Variants in PEX14 observed in about 807,000 individuals in gnomAD.
The protein encoded by PEX14 is peroxisomal membrane protein PEX14.
In PEX14, 15 loss-of-function variants were observed where a neutral mutation model predicts 49.5. That is an observed-to-expected ratio of 0.30 (90% CI 0.20 to 0.47). PEX14 has a LOEUF of 0.47. PEX14 is among the 20% of genes least tolerant of loss of function. The pLI is 1.00. For synonymous variants in PEX14, 210 were observed against 212.7 expected (o/e 0.99, Z 0.11); for missense variants, 398 against 494.8 (o/e 0.80, Z 1.86).
At chr1:10,576,234 C>T (rs1056607596) in intron 3 of PEX14, among the ~76,000 whole-genome samples, 4 of 152,006 alleles carry the variant, frequency 2.6e-5, no homozygotes, top group Non-Finnish European at 5.9e-5. Flanking sequence ...TACCAATCTT[C>T]TGATATTTCC....
At position 10,605,362 on chromosome 1, in the gene PEX14, T is replaced by C. The variant is rs189136905; in HGVS notation, c.298+5996T>C. Among the ~76,000 whole-genome samples the C allele has an allele frequency of 7.9e-5, 12 of 152,264 alleles. No individual in the cohort carries two copies. The East Asian group carries it at 2.3e-3, about 29-fold the overall frequency. ...TTCATCGTAGAGGGAAGCCCTCCAT[T>C]GCTTGGAGAAAGACAGGGAAGACCA... is the stretch of plus-strand genomic sequence containing the variant. On this transcript the variant is annotated intron_variant, in intron 4 of 8. Transcript: ENST00000356607.
chr1:10,567,286 G>A (rs1639833725), intron 3 of PEX14, among the ~76,000 whole-genome samples: 1 of 152,146 alleles, frequency 6.6e-6, no homozygotes, highest in Non-Finnish European at 1.5e-5. Flanking sequence ...GATTTGCAAT[G>A]AAGCTTTATC....
chr1:10,612,808 A>G (rs888699648), intron 4 of PEX14, among the ~76,000 whole-genome samples: 2 of 152,176 alleles, frequency 1.3e-5, no homozygotes, highest in African/African-American at 2.4e-5. Flanking sequence ...CTGTCTTGTC[A>G]TTTAATTTTC....
chr1:10,486,066 CT>C (rs1641363395), intron 1 of PEX14, among the ~76,000 whole-genome samples: 2 of 152,032 alleles, frequency 1.3e-5, no homozygotes, highest in Non-Finnish European at 2.9e-5. Context: ...CCTCTAGTAG[CT>C]TTTTTGTACA....
At chr1:10,522,368 G>A (rs1453940370) in intron 2 of PEX14, among the ~76,000 whole-genome samples, 1 of 152,246 alleles carries the variant, frequency 6.6e-6, no homozygotes, top group Non-Finnish European at 1.5e-5. Context: ...GTTCAGGAAA[G>A]TAGATTTCAA....
At chr1:10,568,206 T>C (rs959209490) in intron 3 of PEX14, among the ~76,000 whole-genome samples, 3 of 152,140 alleles carry the variant, frequency 2.0e-5, no homozygotes, top group African/African-American at 7.2e-5. Flanking sequence ...TAAATAAAAC[T>C]GATGATTGTG....
chr1:10,505,738 T>C (rs964938936), intron 2 of PEX14, among the ~76,000 whole-genome samples: 2 of 151,150 alleles, frequency 1.3e-5, no homozygotes, highest in Admixed American at 6.6e-5. Context: ...TGGAGTGCAG[T>C]GGCATGATCA....
At chr1:10,521,920 T>G (rs1638310922) in intron 2 of PEX14, among the ~76,000 whole-genome samples, 1 of 152,170 alleles carries the variant, frequency 6.6e-6, no homozygotes, top group Non-Finnish European at 1.5e-5. Flanking sequence ...TAAAGCAGAG[T>G]GCTCACTTTC....
Position 10,630,286 on chromosome 1 carries a change from C to G in PEX14, c.*299C>G. 1.9e-6 allele frequency: 1 copy of G among 532,512 alleles called. No individual in the cohort carries two copies. The highest frequency in any genetic ancestry group is 2.4e-5 in the South Asian group (1 of 41,374). 33.0% of individuals were successfully genotyped at this position (532,512 alleles called of 1,614,324 possible). Reference sequence around the variant, plus strand: ...CCTCGGGGCCCAAGCCCCTCCCCAGCCCCCTCTCCCGGACAGACGCCTTGC... The same window carrying G: ...CCTCGGGGCCCAAGCCCCTCCCCAGGCCCCTCTCCCGGACAGACGCCTTGC... On this transcript the variant is annotated 3_prime_UTR_variant, in exon 9 of 9. Transcript: ENST00000356607. The surrounding 1 kb of genome is among the most constrained non-coding windows in gnomAD (Gnocchi z 4.1).
At chr1:10,500,037 T>C (rs1031650876) in intron 2 of PEX14, among the ~76,000 whole-genome samples, 1 of 152,084 alleles carries the variant, frequency 6.6e-6, no homozygotes, top group African/African-American at 2.4e-5. Context: ...CTCTTTGGTT[T>C]ACAAGCCAAT....
chr1:10,529,118 G>A lies in PEX14; in HGVS notation c.85-7095G>A, dbSNP rs755602312. ...GCTATCTAAATTCAGGTGGGGATGC[G>A]TGGGGACAAGGCATTTAAATGTGCT... On this transcript the variant is annotated intron_variant, in intron 2 of 8. Transcript: ENST00000356607. This position sits in a 1 kb window ranked among gnomAD's most constrained non-coding sequence, Gnocchi z 4.2. Among the ~76,000 whole-genome samples the A allele has an allele frequency of 3.3e-5, 5 of 152,208 alleles. No individual in the cohort carries two copies. The highest frequency in any genetic ancestry group is 5.9e-5 in the Non-Finnish European group (4 of 68,036).
At chr1:10,551,096 C>T (rs1464903823) in intron 3 of PEX14, among the ~76,000 whole-genome samples, 1 of 152,076 alleles carries the variant, frequency 6.6e-6, no homozygotes, top group Admixed American at 6.6e-5. Flanking sequence ...GACCTCTGCT[C>T]CTGTGGAGAG....
chr1:10,509,969 A>T (rs1384630927), intron 2 of PEX14, among the ~76,000 whole-genome samples: 1 of 152,148 alleles, frequency 6.6e-6, no homozygotes, highest in African/African-American at 2.4e-5. Context: ...AACTAAATAC[A>T]GGGGGCCTCA....
intron 2 of PEX14, among the ~76,000 whole-genome samples, chr1:10,513,772 T>C (rs1299133945): frequency 1.3e-5 from 2 of 152,172 alleles, no homozygotes; most frequent in Non-Finnish European, 2.9e-5. Flanking sequence ...TTGATTGCTA[T>C]AGGGACGTTT....
At chr1:10,511,409 A>G (rs895333837) in intron 2 of PEX14, among the ~76,000 whole-genome samples, 2 of 151,962 alleles carry the variant, frequency 1.3e-5, no homozygotes, top group African/African-American at 4.8e-5. Context: ...TTTTGCTAAC[A>G]TCATGGTGCG....
chr1:10,491,767 GCCTCC>G (rs1237852327), intron 1 of PEX14, among the ~76,000 whole-genome samples: 1 of 133,132 alleles, frequency 7.5e-6, no homozygotes, highest in Non-Finnish European at 1.5e-5. Context: ...TGTAACCTCC[GCCTCC>G]CGGGTTCAAG....
intron 3 of PEX14, 156 bp downstream of exon 3, chr1:10,536,453 A>T: frequency 4.5e-6 from 3 of 667,726 alleles, no homozygotes; most frequent in East Asian, 5.5e-5. Flanking sequence ...CCAGTGGGGC[A>T]TGCAGGTTTC....
At chr1:10,576,933 AG>A (rs1305479644) in intron 3 of PEX14, among the ~76,000 whole-genome samples, 1 of 151,702 alleles carries the variant, frequency 6.6e-6, no homozygotes, top group African/African-American at 2.4e-5. Flanking sequence ...TTGTATTTTT[AG>A]TAGAGGGGGT....
chr1:10,571,920 TAAAG>T (rs762226702), intron 3 of PEX14, among the ~76,000 whole-genome samples: 1 of 152,074 alleles, frequency 6.6e-6, no homozygotes, highest in Non-Finnish European at 1.5e-5. Context: ...TCAGAAAAAA[TAAAG>T]GGAGGGAGTT....
Sources: allele counts gnomAD v4.1 joint callset (sites outside exome capture counted in the v4.1 genomes callset), GRCh38; gene constraint gnomAD v4.1.1; non-coding constraint Gnocchi (gnomAD v3.1); transcripts MANE v1.5; gene names NCBI Gene and HGNC (gene_info 2026-07-23, HGNC 2026-07-21).